The following EPB41L1 variants were observed in gnomAD, a reference collection of about 807,000 sequenced individuals.
EPB41L1 encodes erythrocyte membrane protein band 4.1 like 1.
Under a neutral mutation model 97.8 loss-of-function variants are expected in EPB41L1, and 29 were observed. The observed-to-expected ratio is 0.30, with a 90% CI of 0.22 to 0.40. The LOEUF is 0.40. EPB41L1 is among the 10% of genes least tolerant of loss of function. EPB41L1 has a pLI of 1.00. For missense variants in EPB41L1, 812 were observed against 1,162.3 expected, an observed-to-expected ratio of 0.70 and a Z score of 4.38; for synonymous variants, 383 against 459.2, an observed-to-expected ratio of 0.83 and a Z score of 2.12.
chr20:36,095,008 G>C (rs1237666274), intron 1 of EPB41L1, among the ~76,000 whole-genome samples: 1 of 150,534 alleles, frequency 6.6e-6, no homozygotes, highest in Non-Finnish European at 1.5e-5. Context: ...TTTCACTCTT[G>C]TCGCCTAGGC....
intron 1 of EPB41L1, among the ~76,000 whole-genome samples, chr20:36,156,040 A>C (rs1179591436): frequency 6.6e-6 from 1 of 152,114 alleles, no homozygotes; most frequent in Non-Finnish European, 1.5e-5. Context: ...GGGTGTGGAG[A>C]ATAGAGGCAG....
chr20:36,114,373 G>A (rs548387684), intron 2 of EPB41L1, among the ~76,000 whole-genome samples: 1 of 152,088 alleles, frequency 6.6e-6, no homozygotes, highest in Admixed American at 6.5e-5. Flanking sequence ...AGGAAGCAGG[G>A]TCTAAAGACC....
In EPB41L1 at chr20:36,232,706, C is replaced by A. The variant is rs775666121; in HGVS notation, c.*3366C>A. On this transcript the variant is annotated 3_prime_UTR_variant, in exon 22 of 22. Transcript: ENST00000338074. Reference sequence around the variant, plus strand: ...CCTTCTCTCCTTTCTCGTCCCCATGCTCCCCCACCTCAGTGCTCCGTGCTG... The same window carrying A: ...CCTTCTCTCCTTTCTCGTCCCCATGATCCCCCACCTCAGTGCTCCGTGCTG... 7.5e-6 allele frequency: 3 copies of A among 399,192 alleles called. No homozygotes were observed. Among genetic ancestry groups the A allele is most frequent in the Admixed American group, 4.4e-5 (1 of 22,736 alleles). The allele number at this position is 399,192 out of a possible 1,614,324, so 24.7% of individuals were successfully genotyped here. A position where few individuals can be genotyped will look rare whatever the true frequency, so the allele number is the denominator to read the frequency against.
chr20:36,116,289 G>T (rs2058581440), intron 2 of EPB41L1, among the ~76,000 whole-genome samples: 1 of 152,132 alleles, frequency 6.6e-6, no homozygotes, highest in Non-Finnish European at 1.5e-5. Context: ...GAGAGAAGCA[G>T]GGGTAGTGAA....
intron 9 of EPB41L1, among the ~76,000 whole-genome samples, chr20:36,189,111 A>G (rs1398389336): frequency 6.6e-6 from 1 of 152,106 alleles, no homozygotes; most frequent in Non-Finnish European, 1.5e-5. Flanking sequence ...TCACCCATCA[A>G]AAAGCCCATT....
rs544468693 is a variant in EPB41L1, at chr20:36,179,023, T to G, written c.490+351T>G. 2.7e-5 allele frequency among the ~76,000 whole-genome samples: 4 copies of G among 148,844 alleles called. No homozygotes were observed. The South Asian group carries it at 8.4e-4, about 31-fold the overall frequency. Reference sequence around the variant, plus strand: ...CTGGGAGGCAGAGGTTGTGGTGAGCTGAGATCATGCCACTGCACTCCAGCC... The same window carrying G: ...CTGGGAGGCAGAGGTTGTGGTGAGCGGAGATCATGCCACTGCACTCCAGCC... On this transcript the variant is annotated intron_variant, in intron 5 of 21. Transcript: ENST00000338074.
rs781781223 is a variant in EPB41L1, at chr20:36,218,861, C to T, written c.2269-15C>T. ...CGGCTGAGAGCTGGCCATCTGAGCA[C>T]TATTGTTTCCCCAGGAGAACAGTCT... On this transcript the variant is annotated splice_polypyrimidine_tract_variant and intron_variant, in intron 17 of 21. Coordinates refer to ENST00000338074, the MANE Select transcript of EPB41L1 (RefSeq NM_012156.2). 9 of 1,613,886 alleles carry T rather than the reference C, an allele frequency of 5.6e-6. No homozygotes were observed. The South Asian group carries it at 6.6e-5, about 12-fold the overall frequency.
Position 36,195,289 on chromosome 20 carries a change from G to C in EPB41L1, c.1450-40G>C. 1 of 1,613,550 alleles carries C rather than the reference G, an allele frequency of 6.2e-7. No homozygotes were observed. The highest frequency in any genetic ancestry group is 1.1e-5 in the South Asian group (1 of 91,048). Reference sequence around the variant, plus strand: ...GTATCTCTAATCCATCTGCTCTACTGACCCTGCTGCTTTCTTTCCCTCCTA... The same window carrying C: ...GTATCTCTAATCCATCTGCTCTACTCACCCTGCTGCTTTCTTTCCCTCCTA... On this transcript the variant is annotated intron_variant, in intron 12 of 21. Transcript: ENST00000338074. The surrounding 1 kb of genome is among the most constrained non-coding windows in gnomAD (Gnocchi z 4.6).
At chr20:36,143,137 T>TTGTGTGTGTGTGTGTG (rs59256378) in intron 2 of EPB41L1, among the ~76,000 whole-genome samples, 8 of 130,710 alleles carry the variant, frequency 6.1e-5, no homozygotes, top group African/African-American at 2.3e-4. Flanking sequence ...GAGGGTGTGT[T>TTGTGTGTGTGTGTGTG]TGTGTGTGTG....
At chr20:36,170,157 A>T (rs1468503985) in intron 1 of EPB41L1, among the ~76,000 whole-genome samples, 3 of 151,654 alleles carry the variant, frequency 2.0e-5, no homozygotes, top group Non-Finnish European at 4.4e-5. Context: ...TTTTTTAAAG[A>T]TGTTATTTTT....
chr20:36,120,132 A>G (rs2058706859), intron 2 of EPB41L1, among the ~76,000 whole-genome samples: 1 of 152,148 alleles, frequency 6.6e-6, no homozygotes, highest in Non-Finnish European at 1.5e-5. Flanking sequence ...AAAACAGATG[A>G]CCATTTACCA....
intron 2 of EPB41L1, among the ~76,000 whole-genome samples, chr20:36,133,218 G>A (rs983241070): frequency 6.6e-6 from 1 of 152,258 alleles, no homozygotes; most frequent in Non-Finnish European, 1.5e-5. Context: ...AGGGCAAGAT[G>A]AGTTCCATTC....
At chr20:36,219,884 G>T (rs1432772017) in intron 19 of EPB41L1, 40 bp downstream of exon 19, 5 of 1,561,708 alleles carry the variant, frequency 3.2e-6, no homozygotes, top group Non-Finnish European at 3.5e-6. Flanking sequence ...CAGCCGAGCT[G>T]CAGGCGAGAA....
chr20:36,204,094 C>T (rs953838469), intron 14 of EPB41L1, among the ~76,000 whole-genome samples: 5 of 152,166 alleles, frequency 3.3e-5, no homozygotes, highest in Admixed American at 6.5e-5. Flanking sequence ...CAGAACTTGG[C>T]GTCAGAGACT....
rs1205866431 is a variant in EPB41L1, at chr20:36,229,268, G to T, written c.2638-64G>T. 3.6e-6 allele frequency: 5 copies of T among 1,400,344 alleles called. No individual in the cohort carries two copies. The Admixed American group carries it at 9.0e-5, about 25-fold the overall frequency. The allele number at this position is 1,400,344 out of a possible 1,614,324, so 86.7% of individuals were successfully genotyped here. A position where few individuals can be genotyped will look rare whatever the true frequency, so the allele number is the denominator to read the frequency against. Reference sequence around the variant, plus strand: ...GTGACAGAAGTTACTAATTTTTCTTGTCCTCTTCCTTCCTTTCCCCCCACT... The same window carrying T: ...GTGACAGAAGTTACTAATTTTTCTTTTCCTCTTCCTTCCTTTCCCCCCACT... On this transcript the variant is annotated intron_variant, in intron 21 of 21. Transcript: ENST00000338074.
chr20:36,155,170 C>A (rs1218361669), intron 1 of EPB41L1: 3 of 457,016 alleles, frequency 6.6e-6, no homozygotes, highest in Admixed American at 2.4e-5. Flanking sequence ...GGGCTCCCAC[C>A]GGCTGGCCCA....
intron 2 of EPB41L1, among the ~76,000 whole-genome samples, chr20:36,132,239 G>A (rs1370682485): frequency 2.0e-5 from 3 of 152,094 alleles, no homozygotes; most frequent in Non-Finnish European, 2.9e-5. Flanking sequence ...TTATGGGGCC[G>A]AAGTCAGGGT....
intron 1 of EPB41L1, among the ~76,000 whole-genome samples, chr20:36,167,365 G>C (rs1247277187): frequency 6.6e-6 from 1 of 152,122 alleles, no homozygotes; most frequent in East Asian, 1.9e-4. Flanking sequence ...CTGTAGCTTT[G>C]ATAAAGAGTT....
intron 2 of EPB41L1, among the ~76,000 whole-genome samples, chr20:36,137,392 T>A (rs138040237): frequency 2.5e-4 from 38 of 150,980 alleles, no homozygotes; most frequent in African/African-American, 6.1e-4. Flanking sequence ...TTAAAAAAAA[T>A]TTTTTTTGGA....
Sources: gnomAD v4.1 joint callset for allele counts (sites outside exome capture counted in the v4.1 genomes callset) on GRCh38, gnomAD v4.1.1 for gene constraint, Gnocchi (gnomAD v3.1) non-coding constraint, MANE v1.5 for transcripts, NCBI Gene and HGNC (gene_info 2026-07-23, HGNC 2026-07-21) for gene names.